Variants in RNF13 observed in about 807,000 individuals in gnomAD.
The protein encoded by RNF13 is ring finger protein 13.
A neutral mutation model predicts 37.7 loss-of-function variants in RNF13; 19 were observed. The ratio of observed to expected loss-of-function variants is 0.50; its 90% CI spans 0.35 to 0.74. The LOEUF is 0.74. RNF13 is among the 30% of genes least tolerant of loss of function. The pLI is 0.01. For missense variants in RNF13, 375 were observed against 453.0 expected (o/e 0.83, Z 1.56); for synonymous variants, 144 against 157.8 (o/e 0.91, Z 0.65).
chr3:149,852,589 G>A lies in RNF13; in HGVS notation c.188G>A (p.Gly63Asp), dbSNP rs1405785357. Residue 63 changes from glycine (G) to aspartate (D), a missense_variant, in exon 3 of 10, where the codon GGT becomes GAT. Physicochemically the swap from Gly to Asp is moderately conservative, Grantham distance 94. Transcript: ENST00000392894. ...TTTGGTTATAGACTTCCAGCTGAAG[G>A]TTTAAAGGTAAGACAGTTGGTAATA... ...ARFGYRLPAE[G>D]LKGFLINSKP... 2 of 1,530,406 alleles carry A rather than the reference G, an allele frequency of 1.3e-6. No individual in the cohort carries two copies. Among genetic ancestry groups the A allele is most frequent in the Admixed American group, 1.8e-5 (1 of 55,784 alleles). 94.8% of individuals were successfully genotyped at this position (1,530,406 alleles called of 1,614,324 possible). A position where few individuals can be genotyped will look rare whatever the true frequency, so the allele number is the denominator to read the frequency against.
At chr3:149,887,614 T>C (rs1714196555) in intron 4 of RNF13, among the ~76,000 whole-genome samples, 2 of 152,210 alleles carry the variant, frequency 1.3e-5, no homozygotes, top group Non-Finnish European at 2.9e-5. Flanking sequence ...AGAAGTCTTT[T>C]TGCAGATTCA....
intron 8 of RNF13, among the ~76,000 whole-genome samples, chr3:149,929,410 G>A (rs377490607): frequency 3.9e-4 from 60 of 152,158 alleles, no homozygotes; most frequent in African/African-American, 1.3e-3. Context: ...TGACACGTGG[G>A]GATTATGTGT....
chr3:149,932,390 A>G (rs2219386), intron 8 of RNF13, among the ~76,000 whole-genome samples: 1,831 of 152,196 alleles, frequency 0.012, 30 homozygotes, highest in African/African-American at 0.041. Context: ...GTAGTATCCA[A>G]AGTCTTAACT....
intron 4 of RNF13, among the ~76,000 whole-genome samples, chr3:149,882,375 T>C (rs1249245864): frequency 1.3e-5 from 2 of 152,204 alleles, no homozygotes; most frequent in Admixed American, 1.3e-4. Flanking sequence ...GGCTGGATAA[T>C]CAGTTACCTT....
chr3:149,938,216 T>C (rs1399409044), intron 8 of RNF13, among the ~76,000 whole-genome samples: 1 of 151,936 alleles, frequency 6.6e-6, no homozygotes, highest in African/African-American at 2.4e-5. Context: ...CTCGCTCTGT[T>C]GCCCAGGCTG....
intron 8 of RNF13, among the ~76,000 whole-genome samples, chr3:149,946,294 A>T (rs973215299): frequency 2.0e-5 from 3 of 152,214 alleles, no homozygotes; most frequent in African/African-American, 7.2e-5. Context: ...AGCCAATTCA[A>T]TCAACTGGAA....
chr3:149,908,915 A>G (rs115729675), intron 6 of RNF13, among the ~76,000 whole-genome samples: 15 of 152,146 alleles, frequency 9.9e-5, no homozygotes, highest in Non-Finnish European at 1.8e-4. Context: ...ATAAGACCCT[A>G]TTTTCTGGGT....
At chr3:149,925,839 A>G (rs571732468) in intron 8 of RNF13, among the ~76,000 whole-genome samples, 30 of 152,310 alleles carry the variant, frequency 2.0e-4, no homozygotes, top group African/African-American at 2.2e-4. Context: ...CCAACAGTCT[A>G]TAGGAGTTCC....
At chr3:149,829,145 AG>A (rs1421339898) in intron 1 of RNF13, among the ~76,000 whole-genome samples, 2 of 152,164 alleles carry the variant, frequency 1.3e-5, no homozygotes, top group Non-Finnish European at 2.9e-5. Flanking sequence ...TTTGCCACCC[AG>A]GCTGGTGTGC....
rs552011420 is a variant in RNF13, at chr3:149,825,997, A to G, written c.-17+12644A>G. 1.5e-3 allele frequency among the ~76,000 whole-genome samples: 229 copies of G among 152,240 alleles called. 1 individual carries two copies. The highest frequency in any genetic ancestry group is 5.2e-3 in the African/African-American group (215 of 41,534). On this transcript the variant is annotated intron_variant, in intron 1 of 9. Coordinates refer to ENST00000392894, the MANE Select transcript of RNF13 (RefSeq NM_183381.3). ...ATTTACTGTCCTATCATAGCTTAAT[A>G]ATCATTTATATTGAATACCTTTTGT...
intron 8 of RNF13, among the ~76,000 whole-genome samples, chr3:149,932,922 T>C (rs111723777): frequency 1.3e-4 from 20 of 152,348 alleles, no homozygotes; most frequent in African/African-American, 4.6e-4. Context: ...AGAGTTTCTG[T>C]GTGGGGGCTA....
At chr3:149,823,663 G>A (rs1408889450) in intron 1 of RNF13, among the ~76,000 whole-genome samples, 2 of 152,130 alleles carry the variant, frequency 1.3e-5, no homozygotes, top group African/African-American at 4.8e-5. Context: ...ATATAAAGCA[G>A]TACAAAGTAG....
At chr3:149,892,933 G>C (rs1017412764) in intron 4 of RNF13, among the ~76,000 whole-genome samples, 1 of 152,124 alleles carries the variant, frequency 6.6e-6, no homozygotes, top group East Asian at 1.9e-4. Context: ...AATTAATATA[G>C]GTACATGTGG....
chr3:149,854,402 C>T (rs946953608), intron 3 of RNF13, among the ~76,000 whole-genome samples: 10 of 152,284 alleles, frequency 6.6e-5, no homozygotes, highest in African/African-American at 2.4e-4. Flanking sequence ...AGATCCTTTT[C>T]TGAACATGTA....
chr3:149,873,747 T>C (rs995640293), intron 4 of RNF13, among the ~76,000 whole-genome samples: 8 of 152,218 alleles, frequency 5.3e-5, no homozygotes. Flanking sequence ...CTTCCTCTGT[T>C]GCAGTGCAGA....
chr3:149,925,623 T>C (rs1718557220), intron 8 of RNF13, among the ~76,000 whole-genome samples: 1 of 152,176 alleles, frequency 6.6e-6, no homozygotes, highest in Non-Finnish European at 1.5e-5. Context: ...TTAATTGACA[T>C]TCTTTTTTTT....
At chr3:149,951,426 T>G (rs368343460) in intron 8 of RNF13, among the ~76,000 whole-genome samples, 1 of 152,246 alleles carries the variant, frequency 6.6e-6, no homozygotes, top group Non-Finnish European at 1.5e-5. Flanking sequence ...ACTGTTTTAT[T>G]ACCTCATGTC....
At chr3:149,908,399 G>A (rs1242755411) in intron 6 of RNF13, among the ~76,000 whole-genome samples, 1 of 152,130 alleles carries the variant, frequency 6.6e-6, no homozygotes, top group Non-Finnish European at 1.5e-5. Context: ...CTCTCTGATG[G>A]TTAGGGATTC....
At chr3:149,939,760 C>G in intron 8 of RNF13, 1 of 616,808 alleles carries the variant, frequency 1.6e-6, no homozygotes, top group Non-Finnish European at 3.1e-6. Context: ...GTTCTGGGGC[C>G]TCAGAGGGCT....
Sources: gnomAD v4.1 joint callset for allele counts (sites outside exome capture counted in the v4.1 genomes callset) on GRCh38, gnomAD v4.1.1 for gene constraint, MANE v1.5 for transcripts, NCBI Gene and HGNC (gene_info 2026-07-23, HGNC 2026-07-21) for gene names.